MIR2052HG: variants seen among roughly 807,000 people sequenced by gnomAD.
The protein encoded by MIR2052HG is MIR2052 host gene.
chr8:74,669,185 T>A (rs1320884708), intron 2 of MIR2052HG, among the ~76,000 whole-genome samples: 1 of 152,202 alleles, frequency 6.6e-6, no homozygotes, highest in African/African-American at 2.4e-5. Context: ...TCTACTTGTA[T>A]CAGAACTACA....
intron 4 of MIR2052HG, among the ~76,000 whole-genome samples, chr8:74,740,696 A>T (rs1264286896): frequency 6.6e-6 from 1 of 152,228 alleles, no homozygotes; most frequent in African/African-American, 2.4e-5. Context: ...TGTTGGAATG[A>T]GACACAGTGG....
chr8:74,721,706 A>G (rs1306155116), intron 4 of MIR2052HG, among the ~76,000 whole-genome samples: 1 of 152,264 alleles, frequency 6.6e-6, no homozygotes, highest in East Asian at 1.9e-4. Context: ...TAGAACTGGC[A>G]TAGTGTCATC....
intron 2 of MIR2052HG, among the ~76,000 whole-genome samples, chr8:74,699,321 C>A (rs886200746): frequency 1.3e-5 from 2 of 151,824 alleles, no homozygotes; most frequent in African/African-American, 2.4e-5. Flanking sequence ...ATGTTTATAG[C>A]AGCACAATTT....
intron 4 of MIR2052HG, among the ~76,000 whole-genome samples, chr8:74,733,180 A>G (rs919562651): frequency 2.0e-5 from 3 of 152,112 alleles, no homozygotes; most frequent in African/African-American, 7.2e-5. Flanking sequence ...CGCTGCACCC[A>G]CTGACTCGTC....
chr8:74,709,995 T>C (rs1223052880), intron 4 of MIR2052HG, among the ~76,000 whole-genome samples: 1 of 152,238 alleles, frequency 6.6e-6, no homozygotes, highest in Non-Finnish European at 1.5e-5. Context: ...CAGAAATTCT[T>C]GTTTCCTCTG....
chr8:74,737,423 C>G (rs1365663358), intron 4 of MIR2052HG, among the ~76,000 whole-genome samples: 1 of 152,168 alleles, frequency 6.6e-6, no homozygotes, highest in Non-Finnish European at 1.5e-5. Flanking sequence ...CAATAAATCC[C>G]TGCTTTCGAT....
chr8:74,607,473 G>A (rs1014150551), intron 1 of MIR2052HG, among the ~76,000 whole-genome samples: 3 of 152,052 alleles, frequency 2.0e-5, no homozygotes, highest in African/African-American at 4.8e-5. Flanking sequence ...TTAGCCGGGC[G>A]TGGTGGTGGG....
At chr8:74,611,053 T>A (rs10957733) in intron 1 of MIR2052HG, among the ~76,000 whole-genome samples, 110,687 of 151,906 alleles carry the variant, frequency 0.73, 41,078 homozygotes, top group African/African-American at 0.89. Context: ...TAAGTGACAG[T>A]CTGCTAGAAA....
At chr8:74,654,812 G>T (rs1263017080) in intron 2 of MIR2052HG, among the ~76,000 whole-genome samples, 11 of 152,176 alleles carry the variant, frequency 7.2e-5, no homozygotes, top group Admixed American at 7.2e-4. Flanking sequence ...TTGGAACTGG[G>T]TAACGGGCAG....
At chr8:74,606,238 T>C (rs1028067224) in intron 1 of MIR2052HG, among the ~76,000 whole-genome samples, 2 of 152,170 alleles carry the variant, frequency 1.3e-5, no homozygotes, top group Admixed American at 1.3e-4. Flanking sequence ...TATCGGTTAA[T>C]TGCATTCTTG....
At chr8:74,664,405 A>G (rs1258776053) in intron 2 of MIR2052HG, among the ~76,000 whole-genome samples, 3 of 152,214 alleles carry the variant, frequency 2.0e-5, no homozygotes, top group Non-Finnish European at 2.9e-5. Flanking sequence ...TGACTCAAAT[A>G]TATAAAATAA....
At chr8:74,602,865 C>CTTTCTTTG (rs1554570063) in intron 1 of MIR2052HG, among the ~76,000 whole-genome samples, 2 of 142,660 alleles carry the variant, frequency 1.4e-5, no homozygotes, top group African/African-American at 5.2e-5. Flanking sequence ...TTCTTTCTTT[C>CTTTCTTTG]TTTCTTTCTT....
At chr8:74,647,065 G>A (rs184701754) in intron 2 of MIR2052HG, among the ~76,000 whole-genome samples, 306 of 152,258 alleles carry the variant, frequency 2.0e-3, no homozygotes, top group African/African-American at 6.6e-3. Flanking sequence ...TGTGCAGGAG[G>A]CACAAAAGTT....
At chr8:74,690,730 C>T (rs563639937) in intron 2 of MIR2052HG, among the ~76,000 whole-genome samples, 83 of 152,104 alleles carry the variant, frequency 5.5e-4, no homozygotes, top group Middle Eastern at 3.4e-3. Context: ...TAAGGCTTTT[C>T]CAGGTCTTGA....
intron 2 of MIR2052HG, among the ~76,000 whole-genome samples, chr8:74,650,280 A>T (rs1042460109): frequency 3.3e-5 from 5 of 152,138 alleles, no homozygotes; most frequent in African/African-American, 4.8e-5. Context: ...AAATAAAATT[A>T]TACAGTATGT....
rs1303642988 is a variant in MIR2052HG, at chr8:74,603,010, CCAAAACAAAA to C, written n.128+3120_128+3129del. Among the ~76,000 whole-genome samples the C allele has an allele frequency of 1.0e-4, 14 of 137,412 alleles. No individual in the cohort carries two copies. In the East Asian group the frequency reaches 1.0e-3, roughly 10 times the overall value. The allele number at this position is 137,412 out of a possible 152,430, so 90.1% of individuals were successfully genotyped here. A position where few individuals can be genotyped will look rare whatever the true frequency, so the allele number is the denominator to read the frequency against. On this transcript the variant is annotated intron_variant and non_coding_transcript_variant, in intron 1 of 6. Coordinates refer to ENST00000523442, the Ensembl canonical transcript of MIR2052HG. Reference sequence around the variant, plus strand: ...CATGACAGACAGAAAAATTCATGAGCCAAAACAAAACAAAACAAAACAAAACACCAAAAAA... The same window carrying C: ...CATGACAGACAGAAAAATTCATGAGCCAAAACAAAACAAAACACCAAAAAA...
intron 2 of MIR2052HG, among the ~76,000 whole-genome samples, chr8:74,691,574 A>G (rs748640785): frequency 6.6e-6 from 1 of 152,270 alleles, no homozygotes; most frequent in East Asian, 1.9e-4. Flanking sequence ...GCTGCGAACA[A>G]TGTTTAAACT....
At chr8:74,706,009 A>C (rs906530234) in intron 4 of MIR2052HG, among the ~76,000 whole-genome samples, 5 of 152,272 alleles carry the variant, frequency 3.3e-5, no homozygotes, top group African/African-American at 1.2e-4. Context: ...ACAGGGTAAT[A>C]GAAATTAAGT....
At chr8:74,750,416 A>G (rs1809932852) in intron 4 of MIR2052HG, among the ~76,000 whole-genome samples, 1 of 152,190 alleles carries the variant, frequency 6.6e-6, no homozygotes, top group South Asian at 2.1e-4. Flanking sequence ...GATGTGTAGT[A>G]ATCATAGATT....
Sources: gnomAD v4.1 joint callset for allele counts (sites outside exome capture counted in the v4.1 genomes callset) on GRCh38, gnomAD v4.1.1 for gene constraint, MANE v1.5 for transcripts, NCBI Gene and HGNC (gene_info 2026-07-23, HGNC 2026-07-21) for gene names.